CCDC192: variants seen among roughly 807,000 people sequenced by gnomAD.
CCDC192 encodes the protein coiled-coil domain-containing protein 192.
At chr5:127,752,220 T>TGTTTTTTCCCCATCTTTGTG in intron 2 of CCDC192, among the ~76,000 whole-genome samples, 1 of 152,372 alleles carries the variant, frequency 6.6e-6, no homozygotes, top group South Asian at 2.1e-4. Flanking sequence ...TTTTCTGCTC[T>TGTTTTTTCCCCATCTTTGTG]GTTTTTTCCC....
At chr5:127,922,799 G>A (rs533452388) in intron 6 of CCDC192, among the ~76,000 whole-genome samples, 1 of 152,318 alleles carries the variant, frequency 6.6e-6, no homozygotes, top group African/African-American at 2.4e-5. Flanking sequence ...CAATTGCATA[G>A]CTCACTCACT....
chr5:127,734,005 C>T (rs954159597), intron 2 of CCDC192, among the ~76,000 whole-genome samples: 3 of 150,404 alleles, frequency 2.0e-5, no homozygotes, highest in African/African-American at 7.4e-5. Flanking sequence ...ATACATGTGC[C>T]ATGCTGGTGC....
chr5:127,822,139 G>C (rs145554424), intron 5 of CCDC192, among the ~76,000 whole-genome samples: 2 of 152,160 alleles, frequency 1.3e-5, no homozygotes, highest in Non-Finnish European at 2.9e-5. Context: ...CCTTAGACAC[G>C]TAATCAGAAA....
In CCDC192 at chr5:127,769,517, G is replaced by A. The variant is rs185141744; in HGVS notation, c.222+15142G>A. 3.3e-5 allele frequency among the ~76,000 whole-genome samples: 5 copies of A among 152,114 alleles called. No homozygotes were observed. The East Asian group carries it at 9.7e-4, about 29-fold the overall frequency. On this transcript the variant is annotated intron_variant, in intron 3 of 6. Transcript: ENST00000514853. The stretch of plus-strand genomic sequence containing the variant: ...TGGCATTTAAACTGTGGTACCTAAT[G>A]AGATTACTTAGAGAAAGAGTATAGA...
intron 4 of CCDC192, among the ~76,000 whole-genome samples, chr5:127,797,614 A>G (rs1259712128): frequency 6.6e-6 from 1 of 151,252 alleles, no homozygotes. Context: ...TTACTTTATA[A>G]GAAATGATTA....
intron 5 of CCDC192, among the ~76,000 whole-genome samples, chr5:127,809,794 T>C (rs1757979654): frequency 6.6e-6 from 1 of 152,160 alleles, no homozygotes. Flanking sequence ...CATATGGGTC[T>C]GGAGGGTGCC....
chr5:127,909,205 G>A (rs1753278608), intron 6 of CCDC192, among the ~76,000 whole-genome samples: 1 of 152,110 alleles, frequency 6.6e-6, no homozygotes. Flanking sequence ...ACACCCAGGT[G>A]GGTCTGGGGC....
At chr5:127,845,122 C>T (rs1750474238) in intron 5 of CCDC192, among the ~76,000 whole-genome samples, 2 of 152,078 alleles carry the variant, frequency 1.3e-5, no homozygotes, top group South Asian at 2.1e-4. Flanking sequence ...TAGTAAATAC[C>T]ACCATCTAAG....
At chr5:127,863,703 G>C (rs915061837) in intron 5 of CCDC192, among the ~76,000 whole-genome samples, 2 of 152,122 alleles carry the variant, frequency 1.3e-5, no homozygotes, top group African/African-American at 4.8e-5. Context: ...TACATTTTAT[G>C]TTATGCACTT....
At chr5:127,872,472 C>T (rs1276329773) in intron 5 of CCDC192, among the ~76,000 whole-genome samples, 2 of 152,098 alleles carry the variant, frequency 1.3e-5, no homozygotes, top group African/African-American at 4.8e-5. Flanking sequence ...ATGTGCTGTG[C>T]CCCTCGGGGA....
intron 5 of CCDC192, among the ~76,000 whole-genome samples, chr5:127,848,344 A>G (rs79179557): frequency 8.1e-4 from 124 of 152,276 alleles, no homozygotes; most frequent in African/African-American, 2.9e-3. Flanking sequence ...GTGAACTTGG[A>G]ACTTCCTCCT....
At chr5:127,773,830 G>C (rs935204999) in intron 3 of CCDC192, among the ~76,000 whole-genome samples, 2 of 152,012 alleles carry the variant, frequency 1.3e-5, no homozygotes, top group Non-Finnish European at 2.9e-5. Flanking sequence ...CTTTTTGATC[G>C]GTCACCAATT....
At chr5:127,883,581 C>T (rs756792580) in intron 6 of CCDC192, among the ~76,000 whole-genome samples, 21 of 152,204 alleles carry the variant, frequency 1.4e-4, no homozygotes, top group Non-Finnish European at 2.6e-4. Flanking sequence ...TATCCCTAAA[C>T]CAAAATCTTC....
intron 3 of CCDC192, among the ~76,000 whole-genome samples, chr5:127,784,392 A>G (rs1170139757): frequency 6.6e-6 from 1 of 152,154 alleles, no homozygotes; most frequent in East Asian, 1.9e-4. Flanking sequence ...CTGTTCTTAA[A>G]TTAGGGTAAA....
At chr5:127,935,742 T>C (rs1483213706) in intron 6 of CCDC192, among the ~76,000 whole-genome samples, 1 of 152,152 alleles carries the variant, frequency 6.6e-6, no homozygotes, top group Non-Finnish European at 1.5e-5. Context: ...AACTCATTGA[T>C]TACAATTGGC....
At chr5:127,760,266 G>GTTTGT (rs1554072692) in intron 3 of CCDC192, among the ~76,000 whole-genome samples, 9 of 147,484 alleles carry the variant, frequency 6.1e-5, no homozygotes, top group African/African-American at 2.0e-4. Context: ...TAATACAGTG[G>GTTTGT]TTTTTTTTTT....
chr5:127,856,746 G>A (rs2127095706), intron 5 of CCDC192, among the ~76,000 whole-genome samples: 1 of 152,290 alleles, frequency 6.6e-6, no homozygotes, highest in Admixed American at 6.5e-5. Flanking sequence ...CCAAAGAGAT[G>A]GAGAGATATG....
At chr5:127,921,100 A>AAGGAGAAAGGAG (rs1395257468) in intron 6 of CCDC192, among the ~76,000 whole-genome samples, 45 of 81,412 alleles carry the variant, frequency 5.5e-4, no homozygotes, top group African/African-American at 5.1e-3. Context: ...AAGGAAAGGA[A>AAGGAGAAAGGAG]AGGAAAGGAA....
At chr5:127,883,792 G>C (rs546786628) in intron 6 of CCDC192, among the ~76,000 whole-genome samples, 6 of 152,324 alleles carry the variant, frequency 3.9e-5, no homozygotes, top group East Asian at 1.9e-4. Flanking sequence ...AAATAGCACT[G>C]ACGTAAAAAC....
Sources: allele counts gnomAD v4.1 joint callset (sites outside exome capture counted in the v4.1 genomes callset), GRCh38; gene constraint gnomAD v4.1.1; transcripts MANE v1.5; gene names NCBI Gene and HGNC (gene_info 2026-07-23, HGNC 2026-07-21).